GRB10: variants seen among roughly 807,000 people sequenced by gnomAD.
GRB10 encodes growth factor receptor-bound protein 10.
GRB10 carries 20 observed loss-of-function variants against 80.9 expected under a neutral mutation model. The observed-to-expected ratio is 0.25, with a 90% CI of 0.17 to 0.36. The LOEUF is 0.36. GRB10 is among the 10% of genes least tolerant of loss of function. The pLI is 1.00. For missense variants in GRB10, 548 were observed against 747.7 expected (o/e 0.73, Z 3.12); for synonymous variants, 291 against 291.5 (o/e 1.00, Z 0.02).
intron 4 of GRB10, among the ~76,000 whole-genome samples, chr7:50,707,270 T>G (rs895263394): frequency 1.3e-5 from 2 of 152,048 alleles, no homozygotes; most frequent in African/African-American, 4.8e-5. Context: ...AATGACTCCT[T>G]CCCCCCAAAA....
intron 13 of GRB10, among the ~76,000 whole-genome samples, chr7:50,612,346 G>C (rs1050069743): frequency 3.3e-5 from 5 of 151,966 alleles, no homozygotes; most frequent in Non-Finnish European, 7.4e-5. Context: ...CTGGCTTCAG[G>C]GCACATTTGG....
chr7:50,715,666 T>G (rs920683053), intron 4 of GRB10, among the ~76,000 whole-genome samples: 5 of 152,212 alleles, frequency 3.3e-5, no homozygotes, highest in African/African-American at 1.2e-4. Context: ...TCTAAACTTC[T>G]TCTGAGTTCC....
At chr7:50,682,289 G>A (rs1443799675) in intron 5 of GRB10, among the ~76,000 whole-genome samples, 1 of 152,216 alleles carries the variant, frequency 6.6e-6, no homozygotes, top group African/African-American at 2.4e-5. Context: ...TTTGGCAGGT[G>A]GCAGCCTGCC....
chr7:50,720,127 A>G (rs1018028293), intron 4 of GRB10, among the ~76,000 whole-genome samples: 1 of 152,210 alleles, frequency 6.6e-6, no homozygotes, highest in African/African-American at 2.4e-5. Flanking sequence ...CAAACACATC[A>G]ACTAAGTCAC....
intron 2 of GRB10, among the ~76,000 whole-genome samples, chr7:50,756,476 G>C (rs775068976): frequency 6.6e-6 from 1 of 152,234 alleles, no homozygotes; most frequent in African/African-American, 2.4e-5. Flanking sequence ...CTCCATGTCA[G>C]ACCTGGCCCC....
At chr7:50,759,564 T>A (rs370894423) in intron 2 of GRB10, among the ~76,000 whole-genome samples, 2 of 152,250 alleles carry the variant, frequency 1.3e-5, no homozygotes, top group African/African-American at 4.8e-5. Flanking sequence ...ATGTAAATGC[T>A]ATATTGTTTA....
At chr7:50,662,234 G>A (rs2059351620) in intron 7 of GRB10, among the ~76,000 whole-genome samples, 1 of 152,054 alleles carries the variant, frequency 6.6e-6, no homozygotes, top group Non-Finnish European at 1.5e-5. Context: ...TGGAGGTGCT[G>A]TCCTTAAAAG....
rs146192655 is a variant in GRB10 at position 50,659,879 on chromosome 7, T to G, written c.504+9843A>C. 1.5e-3 allele frequency among the ~76,000 whole-genome samples: 234 copies of G among 152,334 alleles called. 2 individuals carry two copies. The highest frequency in any genetic ancestry group is 5.5e-3 in the African/African-American group (229 of 41,578). On this transcript the variant is annotated intron_variant, in intron 7 of 18. Coordinates refer to ENST00000401949, the MANE Select transcript of GRB10 (RefSeq NM_001350814.2). ...CCCTCATAAGTAATTGAATGACAAGTTGAGAGTTCACTTAGGCGTACTGAA... is the reference window on the plus strand; with the variant it reads ...CCCTCATAAGTAATTGAATGACAAGGTGAGAGTTCACTTAGGCGTACTGAA...
intron 7 of GRB10, among the ~76,000 whole-genome samples, chr7:50,634,707 C>A (rs2054619382): frequency 6.6e-6 from 1 of 152,104 alleles, no homozygotes; most frequent in Admixed American, 6.6e-5. Context: ...ATATATCATG[C>A]AATGGAAAAC....
chr7:50,659,729 C>G (rs953124494), intron 7 of GRB10, among the ~76,000 whole-genome samples: 1 of 152,234 alleles, frequency 6.6e-6, no homozygotes, highest in African/African-American at 2.4e-5. Flanking sequence ...ATTACAGGAC[C>G]ATAAGGTTAG....
Position 50,674,459 on chromosome 7 carries a change from C to CT in GRB10, c.338dup (p.Pro114AlafsTer18). On this transcript the variant is annotated frameshift_variant, in exon 6 of 19. Coordinates refer to ENST00000401949, the MANE Select transcript of GRB10 (RefSeq NM_001350814.2). LOFTEE classifies it high-confidence loss of function. ...ACCTGACAGCGAGGATGTGCACAGG[C>CT]TGGGAGCGCTGCACCCTCTGCCTCG... The CT allele has an allele frequency of 6.2e-7, 1 of 1,606,180 alleles. No homozygotes were observed. The highest frequency in any genetic ancestry group is 2.2e-5 in the East Asian group (1 of 44,878).
At chr7:50,777,437 C>CACACACACACAT (rs1554316353) in intron 2 of GRB10, among the ~76,000 whole-genome samples, 3 of 151,666 alleles carry the variant, frequency 2.0e-5, no homozygotes. Context: ...TATACACACA[C>CACACACACACAT]ACACACACAC....
chr7:50,771,135 T>C (rs764141164), intron 2 of GRB10, among the ~76,000 whole-genome samples: 2 of 152,176 alleles, frequency 1.3e-5, no homozygotes, highest in Non-Finnish European at 2.9e-5. Context: ...TAAGAGTCCA[T>C]GGAGACTTCT....
At chr7:50,751,115 G>T (rs2074039323) in intron 3 of GRB10, among the ~76,000 whole-genome samples, 3 of 152,090 alleles carry the variant, frequency 2.0e-5, no homozygotes, top group African/African-American at 7.2e-5. Flanking sequence ...GCCTCGACTT[G>T]CCTTGGACAC....
At chr7:50,787,537 C>T (rs1197204836), upstream of GRB10, among the ~76,000 whole-genome samples, 1 of 152,204 alleles carries the variant, frequency 6.6e-6, no homozygotes, top group South Asian at 2.1e-4. Flanking sequence ...TATGGACAGG[C>T]AAGGACAGCA....
chr7:50,685,936 C>T (rs1209983799), intron 5 of GRB10, among the ~76,000 whole-genome samples: 1 of 152,152 alleles, frequency 6.6e-6, no homozygotes, highest in African/African-American at 2.4e-5. Context: ...CCTTAAGGGG[C>T]AGATGATCTA....
chr7:50,719,168 G>A lies in GRB10; in HGVS notation c.51+13104C>T, dbSNP rs1156852915. On this transcript the variant is annotated intron_variant, in intron 4 of 18. Transcript: ENST00000401949. ...CTATGGAATAAAAGAACAGAACAGA[G>A]CTGGATAAACGGGGCGGAGACTGCA... Among the ~76,000 whole-genome samples the A allele has an allele frequency of 2.0e-5, 3 of 152,292 alleles. No homozygotes were observed. In the South Asian group the frequency reaches 6.2e-4, roughly 32 times the overall value.
intron 7 of GRB10, among the ~76,000 whole-genome samples, chr7:50,664,758 G>A (rs2059628770): frequency 1.3e-5 from 2 of 152,188 alleles, no homozygotes; most frequent in Non-Finnish European, 2.9e-5. Flanking sequence ...TCCGGCCGGA[G>A]CATGGTGCTT....
upstream of GRB10, among the ~76,000 whole-genome samples, chr7:50,784,973 G>A (rs763656346): frequency 2.0e-5 from 3 of 152,340 alleles, no homozygotes; most frequent in East Asian, 3.9e-4. Context: ...TCAGCTAGGT[G>A]ACTTCTTTTC....
Sources: gnomAD v4.1 joint callset for allele counts (sites outside exome capture counted in the v4.1 genomes callset) on GRCh38, gnomAD v4.1.1 for gene constraint, MANE v1.5 for transcripts, NCBI Gene and HGNC (gene_info 2026-07-23, HGNC 2026-07-21) for gene names.